Variants in NCOA2 observed in about 807,000 individuals in gnomAD.
The protein encoded by NCOA2 is class E basic helix-loop-helix protein 75.
Under a neutral mutation model 145.1 loss-of-function variants are expected in NCOA2, and 21 were observed. The observed-to-expected ratio is 0.14, with a 90% CI of 0.10 to 0.21. NCOA2 has a LOEUF of 0.21. Ranked by LOEUF, NCOA2 falls within the 10% of genes least tolerant of loss-of-function variation. NCOA2 has a pLI of 1.00. For missense variants in NCOA2, 1,472 were observed against 1,837.6 expected (o/e 0.80, Z 3.64); for synonymous variants, 619 against 637.5 (o/e 0.97, Z 0.44).
chr8:70,293,448 G>C (rs569396309), intron 2 of NCOA2, among the ~76,000 whole-genome samples: 77 of 152,254 alleles, frequency 5.1e-4, no homozygotes, highest in African/African-American at 1.8e-3. Context: ...ATAGCACTTA[G>C]TACACAACAA....
At chr8:70,134,425 T>G (rs1809504901) in intron 15 of NCOA2, among the ~76,000 whole-genome samples, 1 of 152,236 alleles carries the variant, frequency 6.6e-6, no homozygotes, top group East Asian at 1.9e-4. Flanking sequence ...AAAATGCTAG[T>G]TAAGTTAGGC....
chr8:70,219,642 G>A (rs951838410), intron 2 of NCOA2, among the ~76,000 whole-genome samples: 3 of 152,020 alleles, frequency 2.0e-5, no homozygotes, highest in Middle Eastern at 3.2e-3. Flanking sequence ...GACCAAAAGT[G>A]GGGGGAGCGA....
chr8:70,302,903 C>T (rs1001635777), intron 1 of NCOA2, among the ~76,000 whole-genome samples: 2 of 152,172 alleles, frequency 1.3e-5, no homozygotes, highest in South Asian at 2.1e-4. Flanking sequence ...GTTACATACA[C>T]ATCCACTATT....
At chr8:70,274,465 C>T (rs765664914) in intron 2 of NCOA2, among the ~76,000 whole-genome samples, 5 of 152,124 alleles carry the variant, frequency 3.3e-5, no homozygotes, top group Admixed American at 2.0e-4. Flanking sequence ...AACTCCAGGG[C>T]TTTTTAAGTA....
At position 70,164,260 on chromosome 8, in the gene NCOA2, G is replaced by A. The variant is rs140562586; in HGVS notation, c.731-694C>T. 5.6e-3 allele frequency among the ~76,000 whole-genome samples: 855 copies of A among 152,236 alleles called. 10 individuals carry two copies. Among genetic ancestry groups the A allele is most frequent in the Middle Eastern group, 0.01 (3 of 294 alleles). ...CTTGCTTCAACTGTCTTATGCGTCA[G>A]GGTTCATTTCTGGAGGAAAGGGAAA... On this transcript the variant is annotated intron_variant, in intron 7 of 22. Coordinates refer to ENST00000452400, the MANE Select transcript of NCOA2 (RefSeq NM_006540.4).
At chr8:70,402,228 G>A (rs893268781) in intron 1 of NCOA2, 1 of 152,450 alleles carries the variant, frequency 6.6e-6, no homozygotes, top group African/African-American at 2.4e-5. Flanking sequence ...GACGCACCGA[G>A]ATTCGGGTCG....
chr8:70,294,596 A>G (rs1031895471), intron 2 of NCOA2, among the ~76,000 whole-genome samples: 6 of 152,240 alleles, frequency 3.9e-5, no homozygotes, highest in African/African-American at 1.2e-4. Context: ...TAAGTGAAAT[A>G]ATGTTTGGCT....
chr8:70,429,437 T>C, the NCOA2 span, among the ~76,000 whole-genome samples: 3 of 152,352 alleles, frequency 2.0e-5, no homozygotes, highest in Admixed American at 2.0e-4. Flanking sequence ...CCTTAATGTA[T>C]GCATTTTTCT....
chr8:70,435,137 C>T, the NCOA2 span, among the ~76,000 whole-genome samples: 2 of 152,046 alleles, frequency 1.3e-5, no homozygotes, highest in African/African-American at 2.4e-5. Flanking sequence ...ATTAAGAATA[C>T]ACACTCGGCC....
chr8:70,374,193 C>T (rs535235069), intron 1 of NCOA2, among the ~76,000 whole-genome samples: 15 of 152,264 alleles, frequency 9.9e-5, no homozygotes, highest in African/African-American at 3.4e-4. Context: ...ATGCACTGGT[C>T]GGGTGTGGTG....
At chr8:70,305,683 C>G (rs546744368) in intron 1 of NCOA2, among the ~76,000 whole-genome samples, 1 of 152,222 alleles carries the variant, frequency 6.6e-6, no homozygotes, top group Non-Finnish European at 1.5e-5. Context: ...AAACAGCTCA[C>G]AAGTGTGTAT....
chr8:70,258,175 C>T (rs889761100), intron 2 of NCOA2, among the ~76,000 whole-genome samples: 43 of 152,206 alleles, frequency 2.8e-4, no homozygotes, highest in Non-Finnish European at 6.3e-4. Flanking sequence ...CCTCGGCCTC[C>T]CAAAGTGCTG....
chr8:70,324,348 T>C (rs1355966252), intron 1 of NCOA2, among the ~76,000 whole-genome samples: 2 of 152,188 alleles, frequency 1.3e-5, no homozygotes, highest in Non-Finnish European at 2.9e-5. Flanking sequence ...TTTTTAGGTT[T>C]ATTTTTGAGA....
chr8:70,259,014 T>A (rs543668315), intron 2 of NCOA2, among the ~76,000 whole-genome samples: 1 of 152,242 alleles, frequency 6.6e-6, no homozygotes, highest in East Asian at 1.9e-4. Flanking sequence ...ACCAAACTCA[T>A]ACTGTGTGCA....
At chr8:70,189,205 G>A (rs576946587) in intron 4 of NCOA2, among the ~76,000 whole-genome samples, 7 of 152,254 alleles carry the variant, frequency 4.6e-5, no homozygotes, top group African/African-American at 1.7e-4. Context: ...AGGTTGAAGT[G>A]GCATTGCTAG....
chr8:70,398,286 C>A (rs1357580213), intron 1 of NCOA2, among the ~76,000 whole-genome samples: 1 of 152,072 alleles, frequency 6.6e-6, no homozygotes, highest in Non-Finnish European at 1.5e-5. Flanking sequence ...TCGCAAGCCT[C>A]ATCTCTACAA....
intron 2 of NCOA2, among the ~76,000 whole-genome samples, chr8:70,238,147 C>A (rs60403277): frequency 2.6e-5 from 4 of 152,030 alleles, no homozygotes; most frequent in Non-Finnish European, 4.4e-5. Flanking sequence ...TAAGCATGTG[C>A]ACACGCGCGC....
chr8:70,116,713 A>G (rs1807178122), intron 22 of NCOA2, among the ~76,000 whole-genome samples: 1 of 152,240 alleles, frequency 6.6e-6, no homozygotes, highest in Non-Finnish European at 1.5e-5. Context: ...GGGATATCCT[A>G]TACAGATTAT....
At chr8:70,434,274 A>C in the NCOA2 span, among the ~76,000 whole-genome samples, 3 of 152,230 alleles carry the variant, frequency 2.0e-5, no homozygotes, top group Non-Finnish European at 2.9e-5. Flanking sequence ...ACTATAAATA[A>C]AGTTTTAAGA....
Sources: allele counts gnomAD v4.1 joint callset (sites outside exome capture counted in the v4.1 genomes callset), GRCh38; gene constraint gnomAD v4.1.1; transcripts MANE v1.5; gene names NCBI Gene and HGNC (gene_info 2026-07-23, HGNC 2026-07-21).